The following CSMD2 variants were observed in gnomAD, a reference collection of about 807,000 sequenced individuals.
CSMD2 encodes CUB and Sushi multiple domains 2, also known as CUB and sushi domain-containing protein 2.
A neutral mutation model predicts 398.5 loss-of-function variants in CSMD2; 130 were observed. That is an observed-to-expected ratio of 0.33 (90% CI 0.28 to 0.38). The LOEUF is 0.38. Among genes scored for constraint, CSMD2 ranks in the 10% least tolerant of loss-of-function variants. The pLI is 1.00. For synonymous variants in CSMD2, 1,828 were observed against 1,908.5 expected (o/e 0.96, Z 1.10); for missense variants, 3,829 against 4,764.9 (o/e 0.80, Z 5.78).
intron 5 of CSMD2, among the ~76,000 whole-genome samples, chr1:33,847,748 G>C (rs1316912322): frequency 6.6e-6 from 1 of 152,164 alleles, no homozygotes; most frequent in Admixed American, 6.5e-5. Context: ...GAGCTCTGGA[G>C]GGATCAGCTG....
In CSMD2 at chr1:33,571,054, A is replaced by G. The variant is rs1041277675; in HGVS notation, c.7957+478T>C. Among the ~76,000 whole-genome samples, 39 of 152,256 alleles carry G rather than the reference A, an allele frequency of 2.6e-4. 1 individual carries two copies. In the Middle Eastern group the frequency reaches 0.014, roughly 53 times the overall value. The stretch of plus-strand genomic sequence containing the variant: ...AAAGAACCAAAGAAAAACAATTGAC[A>G]ATGGAGAAGGCAGGCAGGTTTAGGT... On this transcript the variant is annotated intron_variant, in intron 51 of 70. Coordinates refer to ENST00000373381, the MANE Select transcript of CSMD2 (RefSeq NM_001281956.2).
chr1:33,864,744 C>T, intron 5 of CSMD2: 1 of 1,606,918 alleles, frequency 6.2e-7, no homozygotes, highest in Non-Finnish European at 8.5e-7. Context: ...AAGAGTCAGG[C>T]AGAGCTGATG....
chr1:33,963,185 C>T (rs1645429577), intron 3 of CSMD2, among the ~76,000 whole-genome samples: 1 of 152,220 alleles, frequency 6.6e-6, no homozygotes, highest in African/African-American at 2.4e-5. Context: ...TTATGGGGCC[C>T]CTCACCTAAT....
Position 33,783,431 on chromosome 1 carries a change from T to TTCTCTCTCTCTCTCTC in CSMD2, c.1663+5153_1663+5168dup, listed in dbSNP as rs55769634. Among the ~76,000 whole-genome samples, 78 of 135,240 alleles carry TTCTCTCTCTCTCTCTC rather than the reference T, an allele frequency of 5.8e-4. 3 individuals carry two copies. Among genetic ancestry groups the TTCTCTCTCTCTCTCTC allele is most frequent in the African/African-American group, 2.0e-3 (68 of 34,402 alleles). 88.7% of individuals were successfully genotyped at this position (135,240 alleles called of 152,430 possible). On this transcript the variant is annotated intron_variant, in intron 12 of 70. Transcript: ENST00000373381. Reference sequence around the variant, plus strand: ...AAACAACACCATGCTCATTCTCTCATTCTCTCTCTCTCTCTCTCTCTCTCT... The same window carrying TTCTCTCTCTCTCTCTC: ...AAACAACACCATGCTCATTCTCTCATTCTCTCTCTCTCTCTCTCTCTCTCTCTCTCTCTCTCTCTCT...
intron 1 of CSMD2, among the ~76,000 whole-genome samples, chr1:34,160,462 T>C (rs899213590): frequency 3.3e-5 from 5 of 152,134 alleles, no homozygotes; most frequent in African/African-American, 1.2e-4. Flanking sequence ...CGGTGATACT[T>C]AGTTGTGGGG....
chr1:33,558,146 C>T (rs1477030371), intron 54 of CSMD2, among the ~76,000 whole-genome samples: 3 of 152,206 alleles, frequency 2.0e-5, no homozygotes, highest in Non-Finnish European at 4.4e-5. Context: ...AGATTGATTA[C>T]TCTCTTTCTG....
At chr1:33,877,837 C>T (rs1640947015) in intron 5 of CSMD2, among the ~76,000 whole-genome samples, 1 of 152,138 alleles carries the variant, frequency 6.6e-6, no homozygotes, top group Admixed American at 6.5e-5. Flanking sequence ...CCCCTGCCCT[C>T]TTTTCAGGAT....
intron 49 of CSMD2, among the ~76,000 whole-genome samples, chr1:33,574,297 T>C (rs1178211415): frequency 6.6e-6 from 1 of 152,140 alleles, no homozygotes; most frequent in Non-Finnish European, 1.5e-5. Flanking sequence ...TGCAGCAACA[T>C]GGCCAGGATT....
rs1228462921 is a variant in CSMD2 at position 33,540,631 on chromosome 1, G to A, written c.9525C>T (p.Gly3175=). The change falls in exon 60 of 71, where the codon GGC becomes GGT. Residue 3175 remains glycine, a synonymous_variant. Transcript: ENST00000373381. ...CCAGGCAGGCATAAGTCACACTTGA[G>A]CCCCACATGAAGTCAGACCCCACCA... ...GKVVGSDFMW[G]SSVTYACLEG... is the part of the protein sequence containing the mutation. The A allele has an allele frequency of 1.2e-6, 2 of 1,614,220 alleles. No homozygotes were observed. The highest frequency in any genetic ancestry group is 4.5e-5 in the East Asian group (2 of 44,878).
At chr1:33,590,318 T>C (rs1297839194) in intron 44 of CSMD2, among the ~76,000 whole-genome samples, 2 of 78,042 alleles carry the variant, frequency 2.6e-5, no homozygotes, top group Non-Finnish European at 5.5e-5. Context: ...TTTTTTTTTT[T>C]GTAGAGATCG....
At chr1:33,909,224 T>G (rs1204044459) in intron 5 of CSMD2, among the ~76,000 whole-genome samples, 1 of 152,160 alleles carries the variant, frequency 6.6e-6, no homozygotes, top group African/African-American at 2.4e-5. Flanking sequence ...TACCTCCATG[T>G]ACGAAGTTCA....
In CSMD2 at chr1:33,930,847, G is replaced by A. The variant is rs547155719; in HGVS notation, c.712+4913C>T. 2.6e-5 allele frequency among the ~76,000 whole-genome samples: 4 copies of A among 152,300 alleles called. No homozygotes were observed. The East Asian group carries it at 7.7e-4, about 29-fold the overall frequency. ...AAGCCTTGATGGGTCAGGATCTTTGGGATGGGCCTCCTTGGGGGTCGGCCT... is the reference window on the plus strand; with the variant it reads ...AAGCCTTGATGGGTCAGGATCTTTGAGATGGGCCTCCTTGGGGGTCGGCCT... On this transcript the variant is annotated intron_variant, in intron 4 of 70. Coordinates refer to ENST00000373381, the MANE Select transcript of CSMD2 (RefSeq NM_001281956.2).
intron 14 of CSMD2, among the ~76,000 whole-genome samples, chr1:33,742,589 C>CG (rs1647114187): frequency 7.0e-6 from 1 of 141,922 alleles, no homozygotes; most frequent in Admixed American, 7.0e-5. Context: ...CCCCCCCCCC[C>CG]CAACCCCCTC....
intron 2 of CSMD2, among the ~76,000 whole-genome samples, chr1:34,075,678 G>C (rs1268740786): frequency 6.6e-6 from 1 of 152,200 alleles, no homozygotes; most frequent in Non-Finnish European, 1.5e-5. Flanking sequence ...CAATATACGG[G>C]ATGCAGTTTA....
intron 44 of CSMD2, among the ~76,000 whole-genome samples, chr1:33,590,294 A>ATTTTTTT (rs56252015): frequency 1.9e-4 from 14 of 73,854 alleles, no homozygotes; most frequent in Non-Finnish European, 2.7e-4. Context: ...GCTAATTAAA[A>ATTTTTTT]TTTTTTTTTT....
intron 5 of CSMD2, among the ~76,000 whole-genome samples, chr1:33,878,575 A>G (rs568937205): frequency 6.6e-6 from 1 of 152,368 alleles, no homozygotes; most frequent in Non-Finnish European, 1.5e-5. Flanking sequence ...AAGGGCTGAA[A>G]GCAGTAGTAG....
Position 33,546,092 on chromosome 1 carries a change from T to C in CSMD2, c.9045A>G (p.Ser3015=), listed in dbSNP as rs4424471. 6.2e-6 allele frequency: 10 copies of C among 1,614,030 alleles called. No individual in the cohort carries two copies. Among genetic ancestry groups the C allele is most frequent in the Non-Finnish European group, 3.4e-6 (4 of 1,180,024 alleles). Residue 3015 remains serine, a synonymous_variant, in exon 57 of 71, where the codon TCA becomes TCG. Transcript: ENST00000373381. ...CEAGHVLRGS[S]ERTCQANGSW... ...AGCCATTGGCTTGACAGGTGCGCTC[T>C]GACGATCCCCGGAGCACGTGGCCAG... is the stretch of plus-strand genomic sequence containing the variant.
At chr1:33,988,728 A>G (rs1646444499) in intron 3 of CSMD2, among the ~76,000 whole-genome samples, 1 of 151,952 alleles carries the variant, frequency 6.6e-6, no homozygotes, top group Non-Finnish European at 1.5e-5. Context: ...AAAAAAAAAT[A>G]CTAAGACAAG....
chr1:33,931,200 A>G (rs1644302291), intron 4 of CSMD2, among the ~76,000 whole-genome samples: 1 of 151,042 alleles, frequency 6.6e-6, no homozygotes, highest in Non-Finnish European at 1.5e-5. Flanking sequence ...AGGTTTACCC[A>G]CTCGCAGATG....
Sources: gnomAD v4.1 joint callset for allele counts (sites outside exome capture counted in the v4.1 genomes callset) on GRCh38, gnomAD v4.1.1 for gene constraint, MANE v1.5 for transcripts, NCBI Gene and HGNC (gene_info 2026-07-23, HGNC 2026-07-21) for gene names.